The following ANLN variants were observed in gnomAD, a reference collection of about 807,000 sequenced individuals.
ANLN encodes anillin.
ANLN carries 59 observed loss-of-function variants against 135.1 expected under a neutral mutation model. The ratio of observed to expected loss-of-function variants is 0.44; its 90% CI spans 0.35 to 0.54. The LOEUF (loss-of-function observed/expected upper bound fraction) is 0.54. Among genes scored for constraint, ANLN ranks in the 20% least tolerant of loss-of-function variants. ANLN has a pLI of 0.00. For synonymous variants in ANLN, 406 were observed against 456.4 expected (o/e 0.89, Z 1.41); for missense variants, 1,182 against 1,340.0 (o/e 0.88, Z 1.84).
intron 5 of ANLN, among the ~76,000 whole-genome samples, chr7:36,409,769 A>AT (rs1308510727): frequency 6.6e-6 from 1 of 152,004 alleles, no homozygotes; most frequent in Non-Finnish European, 1.5e-5. Flanking sequence ...GACCTCCCAG[A>AT]TTCAAGAGAT....
At chr7:36,416,943 A>G (rs1486528973) in intron 8 of ANLN, 137 bp from the exon 9 acceptor site, 44 of 534,840 alleles carry the variant, frequency 8.2e-5, no homozygotes, top group Non-Finnish European at 1.4e-4. Context: ...GGGTGTTTCT[A>G]TACATTTCTG....
At position 36,453,488 on chromosome 7, in the gene ANLN, T is replaced by C. The variant is rs1789326238; in HGVS notation, c.*888T>C. ...GTTTGTTTGTTTGTTTGTTTTTGGTTCATGAACAACAGTGTCTAGAAACCC... is the reference window on the plus strand; with the variant it reads ...GTTTGTTTGTTTGTTTGTTTTTGGTCCATGAACAACAGTGTCTAGAAACCC... On this transcript the variant is annotated 3_prime_UTR_variant, in exon 24 of 24. Transcript: ENST00000265748. 1 of 152,176 alleles carries C rather than the reference T, an allele frequency of 6.6e-6. No homozygotes were observed. Among genetic ancestry groups the C allele is most frequent in the Non-Finnish European group, 1.5e-5 (1 of 68,026 alleles). The allele number at this position is 152,176 out of a possible 1,614,324, so 9.4% of individuals were successfully genotyped here. A position where few individuals can be genotyped will look rare whatever the true frequency, so the allele number is the denominator to read the frequency against.
chr7:36,434,773 C>T (rs1006084127), intron 20 of ANLN, among the ~76,000 whole-genome samples: 5 of 151,978 alleles, frequency 3.3e-5, no homozygotes, highest in South Asian at 2.1e-4. Flanking sequence ...GGCTGAGGCA[C>T]GAGAATTGCT....
chr7:36,437,279 C>T (rs924904642), intron 20 of ANLN, among the ~76,000 whole-genome samples: 13 of 152,162 alleles, frequency 8.5e-5, no homozygotes, highest in African/African-American at 1.2e-4. Context: ...TAAGTGGAGT[C>T]GTGTAGTGTT....
intron 5 of ANLN, among the ~76,000 whole-genome samples, chr7:36,409,333 G>A (rs554762672): frequency 6.6e-6 from 1 of 152,110 alleles, no homozygotes. Flanking sequence ...AATTATGGCC[G>A]TGGCTCAAAT....
chr7:36,430,107 G>C (rs1424419206), intron 20 of ANLN, among the ~76,000 whole-genome samples: 1 of 152,214 alleles, frequency 6.6e-6, no homozygotes, highest in Non-Finnish European at 1.5e-5. Context: ...AGTTAAGTTT[G>C]AATGGTCTTG....
chr7:36,402,815 C>T (rs1787012390), intron 3 of ANLN, among the ~76,000 whole-genome samples: 1 of 152,282 alleles, frequency 6.6e-6, no homozygotes, highest in South Asian at 2.1e-4. Context: ...AGGAGTCTCT[C>T]CCTCCTCCAG....
chr7:36,423,893 T>A lies in ANLN; in HGVS notation c.2553T>A (p.Thr851=), dbSNP rs1787978042. Reference sequence around the variant, plus strand: ...TGGTAGCCACACCATTAGCAAGTACTTCAAACTCTCTTAACGGTGATGCTC... The same window carrying A: ...TGGTAGCCACACCATTAGCAAGTACATCAAACTCTCTTAACGGTGATGCTC... The part of the protein sequence containing the change: ...ENMVATPLAS[T]SNSLNGDALT... The change falls in exon 15 of 24, where the codon ACT becomes ACA. Residue 851 remains threonine, a synonymous_variant. Coordinates refer to ENST00000265748, the MANE Select transcript of ANLN (RefSeq NM_018685.5). The A allele has an allele frequency of 6.2e-7, 1 of 1,612,892 alleles. No individual in the cohort carries two copies. Among genetic ancestry groups the A allele is most frequent in the African/African-American group, 1.3e-5 (1 of 75,008 alleles).
chr7:36,413,761 C>T (rs1163720345), intron 7 of ANLN, among the ~76,000 whole-genome samples: 3 of 152,156 alleles, frequency 2.0e-5, no homozygotes, highest in Non-Finnish European at 2.9e-5. Flanking sequence ...GAGACTGAGG[C>T]AGGTGGATCA....
At chr7:36,420,098 C>T in intron 10 of ANLN, 71 bp from the exon 11 acceptor site, 2 of 1,437,750 alleles carry the variant, frequency 1.4e-6, no homozygotes, top group Non-Finnish European at 1.9e-6. Context: ...ATGGAGAATT[C>T]ATTGATTTTC....
chr7:36,395,348 G>A (rs538626789), intron 1 of ANLN, among the ~76,000 whole-genome samples: 14 of 152,056 alleles, frequency 9.2e-5, no homozygotes, highest in Non-Finnish European at 1.5e-4. Context: ...GGCTTGTCCT[G>A]TTCCCCCATC....
chr7:36,390,083 G>A lies in ANLN; in HGVS notation c.18+39G>A, dbSNP rs764723065. 4.3e-6 allele frequency: 7 copies of A among 1,612,572 alleles called. No individual in the cohort carries two copies. The African/African-American group carries it at 6.7e-5, about 15-fold the overall frequency. ...CGGGTGCAGCCAGCCATGACCCACCGCTCTAGGCCCCCACCCACCTTCCTC... is the reference window on the plus strand; with the variant it reads ...CGGGTGCAGCCAGCCATGACCCACCACTCTAGGCCCCCACCCACCTTCCTC... On this transcript the variant is annotated intron_variant, in intron 1 of 23. Transcript: ENST00000265748.
At chr7:36,427,073 C>A (rs1196377681) in intron 20 of ANLN, 45 bp downstream of exon 20, 1 of 1,313,204 alleles carries the variant, frequency 7.6e-7, no homozygotes, top group Non-Finnish European at 1.1e-6. Context: ...TTTTTTTAAT[C>A]TTAGAAAAAT....
intron 18 of ANLN, 22 bp downstream of exon 18, chr7:36,425,762 T>C (rs1788055663): frequency 6.2e-7 from 1 of 1,604,734 alleles, no homozygotes; most frequent in Non-Finnish European, 8.5e-7. Flanking sequence ...TTTTGAGAAA[T>C]TGAGCTTCCT....
Position 36,410,561 on chromosome 7 carries a change from C to G in ANLN, c.1144C>G (p.Gln382Glu). The change falls in exon 6 of 24, where the codon CAA (glutamine) becomes GAA (glutamate). Residue 382 changes from glutamine (Q) to glutamate (E), a missense_variant. Physicochemically the swap from Gln to Glu is conservative, Grantham distance 29. Around this residue, in one of 3 missense-constraint regions of ANLN, gnomAD observed 1,022 missense variants for 1,134.0 expected, o/e 0.90. Transcript: ENST00000265748. ...CCTGGAACGCTTTGGAGAGCGTTGT[C>G]AAGAACATAGCAAAGAAAGTCCAGC... ...PFLERFGERC[Q>E]EHSKESPARS... 2 of 1,613,788 alleles carry G rather than the reference C, an allele frequency of 1.2e-6. No individual in the cohort carries two copies. Among genetic ancestry groups the G allele is most frequent in the Non-Finnish European group, 1.7e-6 (2 of 1,179,880 alleles).
chr7:36,400,723 G>A (rs1786911511), intron 3 of ANLN, among the ~76,000 whole-genome samples: 1 of 152,208 alleles, frequency 6.6e-6, no homozygotes. Flanking sequence ...CTTGCAGACA[G>A]CTCAGTGGCT....
At position 36,390,023 on chromosome 7, in the gene ANLN, G is replaced by A. The variant is rs935499825; in HGVS notation, c.-4G>A. 1 of 1,613,974 alleles carries A rather than the reference G, an allele frequency of 6.2e-7. No individual in the cohort carries two copies. The highest frequency in any genetic ancestry group is 8.5e-7 in the Non-Finnish European group (1 of 1,179,984). On this transcript the variant is annotated 5_prime_UTR_variant, in exon 1 of 24. Coordinates refer to ENST00000265748, the MANE Select transcript of ANLN (RefSeq NM_018685.5). ...CATCGTCTCGTAGTCCGACGCCTGG[G>A]GCGATGGATCCGTTTACGGAGGTGA...
At chr7:36,430,227 A>G (rs1009300645) in intron 20 of ANLN, among the ~76,000 whole-genome samples, 5 of 152,218 alleles carry the variant, frequency 3.3e-5, no homozygotes, top group Non-Finnish European at 2.9e-5. Context: ...TGTCAGTACA[A>G]CGCAGTCTTG....
At chr7:36,415,077 GTCT>G (rs1787584959) in intron 7 of ANLN, among the ~76,000 whole-genome samples, 2 of 152,200 alleles carry the variant, frequency 1.3e-5, no homozygotes, top group Admixed American at 1.3e-4. Flanking sequence ...CATTCATAAA[GTCT>G]TCTTTTATTT....
Sources: gnomAD v4.1 joint callset for allele counts (sites outside exome capture counted in the v4.1 genomes callset) on GRCh38, gnomAD v4.1.1 for gene constraint, gnomAD v4.1.1 regional missense constraint, MANE v1.5 for transcripts, NCBI Gene and HGNC (gene_info 2026-07-23, HGNC 2026-07-21) for gene names.